The following EVI5 variants were observed in gnomAD, a reference collection of about 807,000 sequenced individuals.
EVI5 encodes the protein ecotropic viral integration site 5 protein homolog.
EVI5 carries 73 observed loss-of-function variants against 112.0 expected under a neutral mutation model. The ratio of observed to expected loss-of-function variants is 0.65; its 90% CI spans 0.54 to 0.79. The LOEUF is 0.79. EVI5 is among the 30% of genes least tolerant of loss of function. The pLI is 0.00. For synonymous variants in EVI5, 305 were observed against 319.9 expected, an observed-to-expected ratio of 0.95 and a Z score of 0.50; for missense variants, 900 against 968.8, an observed-to-expected ratio of 0.93 and a Z score of 0.94.
At chr1:92,729,452 C>T (rs1676108883) in intron 2 of EVI5, among the ~76,000 whole-genome samples, 1 of 152,148 alleles carries the variant, frequency 6.6e-6, no homozygotes, top group Admixed American at 6.6e-5. Context: ...AAGGTGACAA[C>T]ATATTACCGA....
rs901161254 is a variant in EVI5 at position 92,664,709 on chromosome 1, G to A, written c.1212+1230C>T. Among the ~76,000 whole-genome samples, 7 of 152,156 alleles carry A rather than the reference G, an allele frequency of 4.6e-5. No individual in the cohort carries two copies. The South Asian group carries it at 8.3e-4, about 18-fold the overall frequency. On this transcript the variant is annotated intron_variant, in intron 11 of 19. Transcript: ENST00000684568. ...CTGCAATTATTATACAACAAAGGCA[G>A]ACATGTAATAAATATCCTGTCCTTA...
intron 19 of EVI5, among the ~76,000 whole-genome samples, chr1:92,531,552 C>T (rs2101852110): frequency 6.6e-6 from 1 of 152,282 alleles, no homozygotes; most frequent in Non-Finnish European, 1.5e-5. Context: ...GGGTGGGTTA[C>T]CCACAAAGGG....
At chr1:92,531,728 A>C (rs1225761765) in intron 19 of EVI5, among the ~76,000 whole-genome samples, 3 of 152,218 alleles carry the variant, frequency 2.0e-5, no homozygotes, top group Non-Finnish European at 4.4e-5. Context: ...TTTTACAGAC[A>C]AGCAAATGGT....
intron 18 of EVI5, among the ~76,000 whole-genome samples, chr1:92,584,273 T>C (rs1361023196): frequency 6.6e-6 from 1 of 152,194 alleles, no homozygotes; most frequent in East Asian, 1.9e-4. Flanking sequence ...TGCTTTTTTT[T>C]TTCCAGGCTT....
chr1:92,591,199 C>A (rs961517002), intron 18 of EVI5, among the ~76,000 whole-genome samples: 2 of 152,204 alleles, frequency 1.3e-5, no homozygotes, highest in Non-Finnish European at 2.9e-5. Flanking sequence ...GAAGAAACTG[C>A]ATCAACTAAC....
rs369924193 is a variant in EVI5 at position 92,734,176 on chromosome 1, T to C, written c.149+2222A>G. Among the ~76,000 whole-genome samples, 11 of 152,308 alleles carry C rather than the reference T, an allele frequency of 7.2e-5. No individual in the cohort carries two copies. In the East Asian group the frequency reaches 1.2e-3, roughly 16 times the overall value. On this transcript the variant is annotated intron_variant, in intron 2 of 19. Coordinates refer to ENST00000684568, the MANE Select transcript of EVI5 (RefSeq NM_001350197.2). ...AATCTCCTAATTTTTGCATGAAGAA[T>C]GTTAGGCCTAGGATGAGAGAATGAT... is the stretch of plus-strand genomic sequence containing the variant.
intron 11 of EVI5, 82 bp downstream of exon 11, chr1:92,665,857 G>C: frequency 2.0e-6 from 2 of 996,482 alleles, no homozygotes; most frequent in Non-Finnish European, 3.1e-6. Flanking sequence ...ACATGTGCCA[G>C]AATTTTTGAG....
chr1:92,613,894 G>A (rs553179081), intron 16 of EVI5, among the ~76,000 whole-genome samples: 1 of 152,250 alleles, frequency 6.6e-6, no homozygotes, highest in East Asian at 1.9e-4. Flanking sequence ...GCCTGTCTAA[G>A]ACTGAGGCTT....
intron 13 of EVI5, among the ~76,000 whole-genome samples, chr1:92,657,924 T>A (rs1475944321): frequency 1.3e-5 from 2 of 152,028 alleles, no homozygotes; most frequent in Non-Finnish European, 2.9e-5. Flanking sequence ...CAATCTGATT[T>A]CACAAGGACT....
intron 18 of EVI5, among the ~76,000 whole-genome samples, chr1:92,604,615 A>C (rs1649945272): frequency 6.6e-6 from 1 of 152,230 alleles, no homozygotes; most frequent in East Asian, 1.9e-4. Context: ...TAGCAATATT[A>C]GTATAGCAAA....
At chr1:92,686,979 G>C (rs1488813901) in intron 9 of EVI5, among the ~76,000 whole-genome samples, 2 of 152,136 alleles carry the variant, frequency 1.3e-5, no homozygotes, top group African/African-American at 2.4e-5. Flanking sequence ...GTAATTTATA[G>C]ATTAAATGCC....
At chr1:92,639,027 C>T (rs1289540800) in intron 13 of EVI5, among the ~76,000 whole-genome samples, 3 of 152,118 alleles carry the variant, frequency 2.0e-5, no homozygotes, top group Non-Finnish European at 4.4e-5. Context: ...CAAATGACAA[C>T]TGCCACAATT....
chr1:92,708,265 A>G (rs1442920768), intron 2 of EVI5, among the ~76,000 whole-genome samples: 1 of 152,152 alleles, frequency 6.6e-6, no homozygotes, highest in African/African-American at 2.4e-5. Context: ...TGTATCTAGA[A>G]TATAGAAAGA....
upstream of EVI5, among the ~76,000 whole-genome samples, chr1:92,787,814 A>G (rs544034544): frequency 6.6e-6 from 1 of 152,170 alleles, no homozygotes; most frequent in East Asian, 1.9e-4. Context: ...GGAGATTTTT[A>G]CTGCATGCCC....
chr1:92,620,011 AC>A (rs1464064250), intron 16 of EVI5, among the ~76,000 whole-genome samples: 2 of 152,066 alleles, frequency 1.3e-5, no homozygotes, highest in African/African-American at 4.8e-5. Context: ...TATAATTGAA[AC>A]CCCTCAAGAA....
chr1:92,609,433 C>G (rs571246685), intron 16 of EVI5, among the ~76,000 whole-genome samples: 55 of 113,690 alleles, frequency 4.8e-4, no homozygotes, highest in African/African-American at 1.8e-3. Flanking sequence ...CCTTGGCTCA[C>G]TGCAACCTCC....
chr1:92,638,663 CAT>C (rs1446313367), intron 13 of EVI5, among the ~76,000 whole-genome samples: 3 of 152,140 alleles, frequency 2.0e-5, no homozygotes, highest in Non-Finnish European at 4.4e-5. Flanking sequence ...GTGCCAGACA[CAT>C]GTTAAGCACT....
intron 18 of EVI5, among the ~76,000 whole-genome samples, chr1:92,602,819 A>G (rs565682795): frequency 6.6e-6 from 1 of 152,012 alleles, no homozygotes; most frequent in South Asian, 2.1e-4. Context: ...CAACACCACC[A>G]AAAAAAACAA....
chr1:92,750,879 G>A (rs890418168), intron 1 of EVI5, among the ~76,000 whole-genome samples: 2 of 152,156 alleles, frequency 1.3e-5, no homozygotes, highest in Non-Finnish European at 2.9e-5. Context: ...GGCCGGGTGC[G>A]GTGGCTCACG....
Sources: allele counts gnomAD v4.1 joint callset (sites outside exome capture counted in the v4.1 genomes callset), GRCh38; gene constraint gnomAD v4.1.1; transcripts MANE v1.5; gene names NCBI Gene and HGNC (gene_info 2026-07-23, HGNC 2026-07-21).